The following TSHZ3 variants were observed in gnomAD, a reference collection of about 807,000 sequenced individuals.
The protein encoded by TSHZ3 is teashirt homolog 3.
Under a neutral mutation model 64.5 loss-of-function variants are expected in TSHZ3, and 10 were observed. The observed-to-expected ratio is 0.16, with a 90% CI of 0.10 to 0.26. TSHZ3 has a LOEUF of 0.26. TSHZ3 is among the 10% of genes least tolerant of loss of function. The pLI is 1.00. For missense variants in TSHZ3, 1,242 were observed against 1,421.7 expected (o/e 0.87, Z 2.03); for synonymous variants, 608 against 593.1 (o/e 1.03, Z -0.36).
At chr19:31,206,102 T>A (rs1308670487) in intron 4 of TSHZ3, among the ~76,000 whole-genome samples, 5 of 151,204 alleles carry the variant, frequency 3.3e-5, no homozygotes, top group Non-Finnish European at 5.9e-5. Context: ...GATGGATGGA[T>A]GGATGGATGG....
At chr19:31,154,332 T>C (rs1253240927) in intron 6 of TSHZ3, among the ~76,000 whole-genome samples, 1 of 152,190 alleles carries the variant, frequency 6.6e-6, no homozygotes, top group Non-Finnish European at 1.5e-5. Flanking sequence ...CAACTTCATG[T>C]CATCCAGTCC....
chr19:31,193,160 T>C (rs999518439), intron 5 of TSHZ3, among the ~76,000 whole-genome samples: 138 of 152,302 alleles, frequency 9.1e-4, no homozygotes, highest in Non-Finnish European at 8.5e-4. Flanking sequence ...GCCTTTTTTT[T>C]CTGAGCATTT....
chr19:31,265,962 CCTTTT>C (rs1976049126), intron 1 of TSHZ3, among the ~76,000 whole-genome samples: 1 of 152,190 alleles, frequency 6.6e-6, no homozygotes, highest in African/African-American at 2.4e-5. Context: ...CAAATCCCTT[CCTTTT>C]CTTAAGATCC....
At chr19:31,229,301 A>G (rs554265693) in intron 3 of TSHZ3, among the ~76,000 whole-genome samples, 4 of 152,332 alleles carry the variant, frequency 2.6e-5, no homozygotes, top group South Asian at 4.1e-4. Context: ...GGACATTAAG[A>G]TAGATTCTAA....
intron 1 of TSHZ3, among the ~76,000 whole-genome samples, chr19:31,299,075 G>A (rs191646614): frequency 6.6e-6 from 1 of 152,296 alleles, no homozygotes; most frequent in African/African-American, 2.4e-5. Flanking sequence ...GGCGCCTGTA[G>A]TCCCAGCTAC....
rs547867121 is a variant in TSHZ3 at position 31,322,285 on chromosome 19, G to A, written c.40+26895C>T. Among the ~76,000 whole-genome samples, 9 of 152,148 alleles carry A rather than the reference G, an allele frequency of 5.9e-5. No individual in the cohort carries two copies. The South Asian group carries it at 1.5e-3, about 25-fold the overall frequency. On this transcript the variant is annotated intron_variant, in intron 1 of 1. Coordinates refer to ENST00000240587, the MANE Select transcript of TSHZ3 (RefSeq NM_020856.4). ...CAAGTATCTGGGATTACAGGTTCCC[G>A]GCCAACACACCTGGCAAATTTTTGT... is the stretch of plus-strand genomic sequence containing the variant.
chr19:31,197,386 G>A (rs1975008143), intron 5 of TSHZ3, among the ~76,000 whole-genome samples: 1 of 151,008 alleles, frequency 6.6e-6, no homozygotes, highest in Non-Finnish European at 1.5e-5. Flanking sequence ...TAATCATCTA[G>A]GCTTCCATTA....
intron 5 of TSHZ3, among the ~76,000 whole-genome samples, chr19:31,185,536 G>A (rs1177789543): frequency 6.6e-6 from 1 of 152,198 alleles, no homozygotes; most frequent in African/African-American, 2.4e-5. Context: ...GTGGAGTCTG[G>A]ACCATGCCCA....
At chr19:31,235,238 G>A (rs894584165) in intron 3 of TSHZ3, among the ~76,000 whole-genome samples, 3 of 152,148 alleles carry the variant, frequency 2.0e-5, no homozygotes, top group African/African-American at 4.8e-5. Context: ...AATTTCAAGT[G>A]TATGATACAG....
intron 1 of TSHZ3, among the ~76,000 whole-genome samples, chr19:31,280,417 G>T (rs1318309534): frequency 4.6e-5 from 7 of 151,580 alleles, no homozygotes; most frequent in African/African-American, 7.3e-5. Flanking sequence ...GGATAGGTGT[G>T]GGTTCGTTCC....
At chr19:31,168,672 G>T (rs1974491186) in intron 5 of TSHZ3, among the ~76,000 whole-genome samples, 1 of 152,174 alleles carries the variant, frequency 6.6e-6, no homozygotes, top group Non-Finnish European at 1.5e-5. Context: ...GATGGAAGCT[G>T]CAAGAGCCTA....
chr19:31,263,233 AAC>A (rs1976004564), intron 1 of TSHZ3, among the ~76,000 whole-genome samples: 1 of 152,192 alleles, frequency 6.6e-6, no homozygotes, highest in African/African-American at 2.4e-5. Flanking sequence ...AAGGCCGTTG[AAC>A]CCACCTTGAT....
intron 1 of TSHZ3, among the ~76,000 whole-genome samples, chr19:31,255,332 G>T (rs1371451472): frequency 6.6e-6 from 1 of 152,112 alleles, no homozygotes; most frequent in Non-Finnish European, 1.5e-5. Flanking sequence ...CCAGCTGCTG[G>T]CTGGAGTGGG....
In TSHZ3 at chr19:31,180,575, T is replaced by C. The variant is rs1974696971; in HGVS notation, n.810-24158A>G. 2.6e-5 allele frequency among the ~76,000 whole-genome samples: 4 copies of C among 152,220 alleles called. No individual in the cohort carries two copies. In the South Asian group the frequency reaches 8.3e-4, roughly 31 times the overall value. On this transcript the variant is annotated intron_variant and non_coding_transcript_variant, in intron 5 of 6. Transcript: ENST00000651361. ...ACTCACAGCCCAACATAGCTCAGAATTGCTAATCACCTTGGGATTGTTGTG... is the reference window on the plus strand; with the variant it reads ...ACTCACAGCCCAACATAGCTCAGAACTGCTAATCACCTTGGGATTGTTGTG...
chr19:31,191,505 A>G (rs751264348), intron 5 of TSHZ3, among the ~76,000 whole-genome samples: 5 of 152,236 alleles, frequency 3.3e-5, no homozygotes, highest in African/African-American at 7.2e-5. Context: ...TTTGCCCCCA[A>G]AGTAATTGGC....
chr19:31,319,417 T>C (rs1436429649), intron 1 of TSHZ3, among the ~76,000 whole-genome samples: 2 of 152,148 alleles, frequency 1.3e-5, no homozygotes, highest in Admixed American at 6.5e-5. Context: ...CTCATATATA[T>C]GAAGATCACT....
intron 1 of TSHZ3, among the ~76,000 whole-genome samples, chr19:31,339,806 A>AG (rs397962923): frequency 0.013 from 1,860 of 148,712 alleles, 40 homozygotes; most frequent in African/African-American, 0.042. Context: ...GAAAAAAAAA[A>AG]GGGGGGGGCG....
chr19:31,267,165 C>T (rs1361370173), intron 1 of TSHZ3, among the ~76,000 whole-genome samples: 1 of 152,236 alleles, frequency 6.6e-6, no homozygotes, highest in African/African-American at 2.4e-5. Context: ...GAATTTTCTT[C>T]TTGTTCTTGA....
intron 1 of TSHZ3, among the ~76,000 whole-genome samples, chr19:31,297,397 AG>A (rs1296644340): frequency 6.7e-6 from 1 of 148,418 alleles, no homozygotes; most frequent in Non-Finnish European, 1.5e-5. Context: ...ACCAAGAGTA[AG>A]GGTAGCTTAT....
Sources: allele counts gnomAD v4.1 joint callset (sites outside exome capture counted in the v4.1 genomes callset), GRCh38; gene constraint gnomAD v4.1.1; transcripts MANE v1.5; gene names NCBI Gene and HGNC (gene_info 2026-07-23, HGNC 2026-07-21).